The following ABTB3 variants were observed in gnomAD, a reference collection of about 807,000 sequenced individuals.
The protein encoded by ABTB3 is ankyrin repeat- and BTB/POZ domain-containing protein 3.
the ABTB3 span, among the ~76,000 whole-genome samples, chr12:107,444,260 G>A: frequency 6.6e-6 from 1 of 152,194 alleles, no homozygotes; most frequent in South Asian, 2.1e-4. Context: ...CATAGCCGAG[G>A]GGCTTAGCTT....
At chr12:107,559,126 G>T in the ABTB3 span, among the ~76,000 whole-genome samples, 2 of 152,222 alleles carry the variant, frequency 1.3e-5, no homozygotes, top group African/African-American at 4.8e-5. Context: ...AGCCCCAGGG[G>T]ACTGGAGCAG....
the ABTB3 span, among the ~76,000 whole-genome samples, chr12:107,567,007 C>T: frequency 1.3e-5 from 2 of 152,114 alleles, no homozygotes; most frequent in Non-Finnish European, 2.9e-5. Flanking sequence ...GTCCCAGCTA[C>T]TCAGGAAGCT....
At chr12:107,643,125 T>G in the ABTB3 span, among the ~76,000 whole-genome samples, 1 of 151,976 alleles carries the variant, frequency 6.6e-6, no homozygotes, top group African/African-American at 2.4e-5. Context: ...GGGATAGAGT[T>G]TATAGAATGC....
At chr12:107,632,408 C>T in the ABTB3 span, among the ~76,000 whole-genome samples, 2 of 151,646 alleles carry the variant, frequency 1.3e-5, no homozygotes, top group South Asian at 2.1e-4. Flanking sequence ...TCATCCCTAA[C>T]CTTCATAATA....
chr12:107,426,363 G>T, the ABTB3 span, among the ~76,000 whole-genome samples: 1 of 152,142 alleles, frequency 6.6e-6, no homozygotes, highest in African/African-American at 2.4e-5. Context: ...AGCCCATTGG[G>T]CTGCCCTCTG....
the ABTB3 span, among the ~76,000 whole-genome samples, chr12:107,397,535 T>C: frequency 2.8e-3 from 431 of 152,280 alleles, 2 homozygotes; most frequent in Non-Finnish European, 2.9e-3. Flanking sequence ...TTACCTGTTG[T>C]ATAAGTTGCA....
chr12:107,568,124 T>C, the ABTB3 span, among the ~76,000 whole-genome samples: 2 of 152,166 alleles, frequency 1.3e-5, no homozygotes, highest in Admixed American at 6.5e-5. Context: ...TGACTAAACA[T>C]ATGGACTTTG....
At chr12:107,595,948 C>T in the ABTB3 span, among the ~76,000 whole-genome samples, 7 of 151,606 alleles carry the variant, frequency 4.6e-5, no homozygotes, top group East Asian at 1.9e-4. Flanking sequence ...TGTATATATA[C>T]GTATATTCAC....
the ABTB3 span, among the ~76,000 whole-genome samples, chr12:107,476,621 C>T: frequency 6.6e-6 from 1 of 151,826 alleles, no homozygotes; most frequent in Non-Finnish European, 1.5e-5. Context: ...AGGGGAGGGT[C>T]AGGAAATGAA....
the ABTB3 span, among the ~76,000 whole-genome samples, chr12:107,564,088 C>CTGTG: frequency 0.024 from 3,366 of 137,950 alleles, 106 homozygotes; most frequent in Middle Eastern, 0.081. Flanking sequence ...CTATCTATCT[C>CTGTG]TCTGTGTGTG....
At chr12:107,591,790 T>G in the ABTB3 span, among the ~76,000 whole-genome samples, 2 of 152,218 alleles carry the variant, frequency 1.3e-5, no homozygotes, top group South Asian at 4.1e-4. Context: ...GCATTTCTCA[T>G]GTCCACCTCC....
At chr12:107,501,638 TGTA>T in the ABTB3 span, among the ~76,000 whole-genome samples, 1 of 151,926 alleles carries the variant, frequency 6.6e-6, no homozygotes, top group Non-Finnish European at 1.5e-5. Flanking sequence ...AGGCAGAGAT[TGTA>T]GTGAGCTGAG....
chr12:107,508,514 G>A, the ABTB3 span, among the ~76,000 whole-genome samples: 3 of 136,944 alleles, frequency 2.2e-5, no homozygotes, highest in South Asian at 4.6e-4. Context: ...TGGTGCAGTG[G>A]CATGATCTCG....
At chr12:107,392,225 G>A in the ABTB3 span, among the ~76,000 whole-genome samples, 3 of 152,154 alleles carry the variant, frequency 2.0e-5, no homozygotes, top group Admixed American at 6.5e-5. Flanking sequence ...GGTCCCTGCC[G>A]TGAGCTAGCT....
At chr12:107,423,079 G>A in the ABTB3 span, among the ~76,000 whole-genome samples, 1 of 152,164 alleles carries the variant, frequency 6.6e-6, no homozygotes, top group Admixed American at 6.5e-5. Flanking sequence ...AAGCCTTCTT[G>A]TGTGCTCAAT....
the ABTB3 span, among the ~76,000 whole-genome samples, chr12:107,382,432 A>G: frequency 6.6e-6 from 1 of 152,042 alleles, no homozygotes; most frequent in Non-Finnish European, 1.5e-5. Flanking sequence ...TGTGAATGGG[A>G]GTTTACTCTT....
chr12:107,581,375 T>G, the ABTB3 span: 3 of 1,222,592 alleles, frequency 2.5e-6, no homozygotes, highest in South Asian at 6.8e-5. Context: ...ACCCCTCCAA[T>G]CAGAGCCCCG....
chr12:107,341,381 AC>A, the ABTB3 span, among the ~76,000 whole-genome samples: 2 of 152,080 alleles, frequency 1.3e-5, no homozygotes. Context: ...CACTGCCCCA[AC>A]CCCGTGAGGC....
chr12:107,548,401 C>G, the ABTB3 span, among the ~76,000 whole-genome samples: 2 of 152,220 alleles, frequency 1.3e-5, no homozygotes, highest in African/African-American at 4.8e-5. Flanking sequence ...ATGCCTCAAA[C>G]CATCCTTTCT....
Sources: allele counts gnomAD v4.1 joint callset (sites outside exome capture counted in the v4.1 genomes callset), GRCh38; gene constraint gnomAD v4.1.1; transcripts MANE v1.5; gene names NCBI Gene and HGNC (gene_info 2026-07-23, HGNC 2026-07-21).